Variants in CCDC157 observed in about 807,000 individuals in gnomAD.
CCDC157 encodes coiled-coil domain containing 157.
A neutral mutation model predicts 70.9 loss-of-function variants in CCDC157; 60 were observed. That is an observed-to-expected ratio of 0.85 (90% CI 0.69 to 1.05). The LOEUF (loss-of-function observed/expected upper bound fraction) is 1.05, where lower values mean the gene tolerates loss of function less well. CCDC157 is among the 50% of genes least tolerant of loss of function. The probability of loss-of-function intolerance (pLI) is 0.00; values close to 1 mark genes in which losing one functional copy is unlikely to be tolerated. For missense variants in CCDC157, 943 were observed against 984.2 expected, an observed-to-expected ratio of 0.96 and a Z score of 0.56; for synonymous variants, 373 against 422.4, an observed-to-expected ratio of 0.88 and a Z score of 1.43.
intron 9 of CCDC157, 131 bp downstream of exon 9, chr22:30,374,222 A>G: frequency 8.9e-7 from 1 of 1,121,710 alleles, no homozygotes; most frequent in Admixed American, 2.4e-5. Flanking sequence ...GGCGGCCAGC[A>G]GCGCAGCCCC....
chr22:30,376,534 G>A lies in CCDC157; in HGVS notation c.2048G>A (p.Arg683Gln), dbSNP rs774020685. 6.2e-6 allele frequency: 10 copies of A among 1,612,984 alleles called. No individual in the cohort carries two copies. The East Asian group carries it at 1.1e-4, about 18-fold the overall frequency. The change falls in exon 12 of 12, where the codon CGG (arginine) becomes CAG (glutamine). Residue 683 changes from arginine to glutamine, a missense_variant. Coordinates refer to ENST00000338306, the MANE Select transcript of CCDC157 (RefSeq NM_001017437.5). ...PPRQPCTSPP[R>Q]QPCTSPPRQP... ...CGGCAGCCCTGCACATCCCCACCTC[G>A]GCAGCCCTGCACATCCCCACCTCGG... is the stretch of plus-strand genomic sequence containing the variant.
In CCDC157 at chr22:30,357,078, G is replaced by C. The variant is rs1265855770; in HGVS notation, c.-220G>C. On this transcript the variant is annotated 5_prime_UTR_variant, in exon 1 of 12. Transcript: ENST00000338306. ...TCCCGGTGGCCGCAGGCGCACCGGG[G>C]GCAGTTCCGGGAGCCGACCAGACAC... 11 of 339,498 alleles carry C rather than the reference G, an allele frequency of 3.2e-5. No individual in the cohort carries two copies. The highest frequency in any genetic ancestry group is 5.3e-5 in the Non-Finnish European group (10 of 187,862). The allele number at this position is 339,498 out of a possible 1,614,324, so 21.0% of individuals were successfully genotyped here.
In CCDC157 at chr22:30,373,631, A is replaced by T; in HGVS notation, c.1370A>T (p.Gln457Leu). The T allele has an allele frequency of 6.4e-7, 1 of 1,557,664 alleles. No homozygotes were observed. Among genetic ancestry groups the T allele is most frequent in the Non-Finnish European group, 8.7e-7 (1 of 1,150,476 alleles). The change falls in exon 8 of 12, where the codon CAG (glutamine) becomes CTG (leucine). Residue 457 changes from glutamine to leucine, a missense_variant. Gln to Leu is a moderately radical substitution (Grantham distance 113). Coordinates refer to ENST00000338306, the MANE Select transcript of CCDC157 (RefSeq NM_001017437.5). ...LQAKQRALLK[Q>L]LDSLDQEREE... The stretch of plus-strand genomic sequence containing the variant: ...GCCAAGCAGCGAGCCCTGCTAAAGC[A>T]GCTGGACAGCCTGGACCAGGAACGT...
At chr22:30,374,152 C>G in intron 9 of CCDC157, 61 bp downstream of exon 9, 1 of 1,533,518 alleles carries the variant, frequency 6.5e-7, no homozygotes, top group South Asian at 1.2e-5. Context: ...GCTGAGGGCT[C>G]GTGTGGGCAG....
intron 9 of CCDC157, chr22:30,375,248 C>T (rs987426647): frequency 8.8e-5 from 42 of 477,866 alleles, no homozygotes; most frequent in African/African-American, 7.5e-4. Flanking sequence ...TGAGCCACCG[C>T]GCCCGGCCTT....
chr22:30,363,962 G>A (rs1325344886), intron 2 of CCDC157, among the ~76,000 whole-genome samples: 16 of 152,104 alleles, frequency 1.1e-4, no homozygotes, highest in African/African-American at 3.9e-4. Context: ...GATTACAGGC[G>A]TGAGCCATTG....
In CCDC157 at chr22:30,370,943, G is replaced by T; in HGVS notation, c.1038G>T (p.Leu346=). 1 of 1,607,760 alleles carries T rather than the reference G, an allele frequency of 6.2e-7. No homozygotes were observed. Among genetic ancestry groups the T allele is most frequent in the Non-Finnish European group, 8.5e-7 (1 of 1,178,372 alleles). ...AGTGGGAGCACGACAAACAGCAGCTGCTCACAGGTCTGTGCCCCAGAGGCC... is the reference window on the plus strand; with the variant it reads ...AGTGGGAGCACGACAAACAGCAGCTTCTCACAGGTCTGTGCCCCAGAGGCC... ...LSEWEHDKQQ[L]LTETSDLKTK... is the part of the protein sequence containing the mutation. Residue 346 remains leucine, a synonymous_variant, in exon 5 of 12, where the codon CTG becomes CTT. Transcript: ENST00000338306.
In CCDC157 at chr22:30,370,893, G is replaced by T. The variant is rs1932908465; in HGVS notation, c.988G>T (p.Glu330Ter). ...QEQGARRRQA[E>*]EDEQCLSEWE... ...GCAGGGGGCACGGCGGCGACAGGCG[G>T]AGGAGGATGAGCAGTGCCTGTCTGA... The change falls in exon 5 of 12, where the codon GAG (glutamate) becomes TAG (stop). Residue 330 changes from glutamate (E) to a stop codon, truncating the protein, a stop_gained. Transcript: ENST00000338306. LOFTEE classifies it high-confidence loss of function. The T allele has an allele frequency of 1.9e-6, 3 of 1,611,098 alleles. No individual in the cohort carries two copies. Among genetic ancestry groups the T allele is most frequent in the Non-Finnish European group, 2.5e-6 (3 of 1,179,842 alleles).
At chr22:30,374,279 G>A (rs1933180221) in intron 9 of CCDC157, 188 bp downstream of exon 9, 2 of 685,572 alleles carry the variant, frequency 2.9e-6, no homozygotes, top group Non-Finnish European at 5.1e-6. Context: ...CATCCACTCT[G>A]CATAGACAGG....
In CCDC157 at chr22:30,378,051, A is replaced by T; in HGVS notation, c.*1306A>T. On this transcript the variant is annotated 3_prime_UTR_variant, in exon 12 of 12. Transcript: ENST00000338306. The stretch of plus-strand genomic sequence containing the variant: ...TCCGATCCTTGCGGCTGTGGGACTG[A>T]GGTCCCCATGTCCTCGCTGGCTGGC... The T allele has an allele frequency of 2.1e-6, 1 of 466,822 alleles. No homozygotes were observed. Among genetic ancestry groups the T allele is most frequent in the Non-Finnish European group, 4.4e-6 (1 of 224,958 alleles). 28.9% of individuals were successfully genotyped at this position (466,822 alleles called of 1,614,324 possible). A position where few individuals can be genotyped will look rare whatever the true frequency, so the allele number is the denominator to read the frequency against.
chr22:30,369,278 GT>G, intron 3 of CCDC157, 153 bp from the exon 4 acceptor site: 1 of 613,596 alleles, frequency 1.6e-6, no homozygotes, highest in Non-Finnish European at 2.5e-6. Flanking sequence ...TAGCCCCTGG[GT>G]TAGGTTTGAA....
intron 7 of CCDC157, chr22:30,372,513 G>A: frequency 1.9e-6 from 1 of 519,406 alleles, no homozygotes. Context: ...CTCTGGAAGA[G>A]CGCCCCACAG....
rs1932862804 is a variant in CCDC157, at chr22:30,369,955, T to G, written c.420+352T>G. ...ACCACCCACTGGGGAAGAACCACTG[T>G]TCCCATGATGGGAAGGAAACTAAAA... On this transcript the variant is annotated intron_variant, in intron 4 of 11. Coordinates refer to ENST00000338306, the MANE Select transcript of CCDC157 (RefSeq NM_001017437.5). The G allele has an allele frequency of 1.9e-5, 9 of 463,320 alleles. 1 individual carries two copies. In the South Asian group the frequency reaches 2.8e-4, roughly 14 times the overall value. 28.7% of individuals were successfully genotyped at this position (463,320 alleles called of 1,614,324 possible). A position where few individuals can be genotyped will look rare whatever the true frequency, so the allele number is the denominator to read the frequency against.
intron 9 of CCDC157, chr22:30,374,653 G>C (rs757805687): frequency 4.4e-6 from 2 of 456,696 alleles, no homozygotes; most frequent in African/African-American, 2.0e-5. Context: ...TTAGCTGCTC[G>C]TGAGACATCA....
rs761836101 is a variant in CCDC157, at chr22:30,376,735, G to A, written c.2249G>A (p.Arg750Gln). 2.1e-5 allele frequency: 34 copies of A among 1,611,734 alleles called. No individual in the cohort carries two copies. The Admixed American group carries it at 2.3e-4, about 11-fold the overall frequency. The change falls in exon 12 of 12, where the codon CGG (arginine) becomes CAG (glutamine). Residue 750 changes from arginine (R) to glutamine (Q), a missense_variant. Transcript: ENST00000338306. Reference sequence around the variant, plus strand: ...AGCTCTGCACACCAGCCCCAGGAGCGGCCCATGTAGCCTGTGGCCCAGGGC... The same window carrying A: ...AGCTCTGCACACCAGCCCCAGGAGCAGCCCATGTAGCCTGTGGCCCAGGGC... ...QASSAHQPQE[R>Q]PM
At chr22:30,356,904 G>A, upstream of CCDC157, 2 of 945,166 alleles carry the variant, frequency 2.1e-6, no homozygotes, top group Non-Finnish European at 2.8e-6. Context: ...CGGCGGCCGA[G>A]CGAGTTGCGG....
chr22:30,360,649 T>C (rs1436536285), intron 1 of CCDC157, among the ~76,000 whole-genome samples: 3 of 151,694 alleles, frequency 2.0e-5, no homozygotes, highest in African/African-American at 7.3e-5. Flanking sequence ...CGATAGTTCA[T>C]GCCTGTAATC....
In CCDC157 at chr22:30,376,478, C is replaced by T. The variant is rs754391000; in HGVS notation, c.1992C>T (p.Thr664=). 6.2e-7 allele frequency: 1 copy of T among 1,613,902 alleles called. No individual in the cohort carries two copies. Among genetic ancestry groups the T allele is most frequent in the East Asian group, 2.2e-5 (1 of 44,860 alleles). The change falls in exon 12 of 12, where the codon ACC becomes ACT. Residue 664 remains threonine (T), a synonymous_variant. Coordinates refer to ENST00000338306, the MANE Select transcript of CCDC157 (RefSeq NM_001017437.5). The part of the protein sequence containing the change: ...QHLPSSRTGR[T]LLGQPCTSPP... ...TTCCTAGCAGCAGGACGGGTAGGAC[C>T]CTGCTGGGCCAGCCCTGCACATCCC... is the stretch of plus-strand genomic sequence containing the variant.
chr22:30,372,004 T>C, intron 6 of CCDC157, 71 bp from the exon 7 acceptor site: 1 of 1,044,526 alleles, frequency 9.6e-7, no homozygotes, highest in Non-Finnish European at 1.4e-6. Context: ...GGATGTGAGC[T>C]CCCGTCCTAG....
Sources: allele counts gnomAD v4.1 joint callset (sites outside exome capture counted in the v4.1 genomes callset), GRCh38; gene constraint gnomAD v4.1.1; transcripts MANE v1.5; gene names NCBI Gene and HGNC (gene_info 2026-07-23, HGNC 2026-07-21).